The following BMPR1A variants were observed in gnomAD, a reference collection of about 807,000 sequenced individuals.
BMPR1A encodes the protein bone morphogenetic protein receptor type 1A.
Under a neutral mutation model 66.0 loss-of-function variants are expected in BMPR1A, and 7 were observed. The observed-to-expected ratio is 0.11, with a 90% CI of 0.06 to 0.20. BMPR1A has a LOEUF of 0.20. BMPR1A is among the 10% of genes least tolerant of loss of function. The probability of loss-of-function intolerance (pLI) is 1.00; values close to 1 mark genes in which losing one functional copy is unlikely to be tolerated. For synonymous variants in BMPR1A, 200 were observed against 229.7 expected, an observed-to-expected ratio of 0.87 and a Z score of 1.17; for missense variants, 408 against 669.1, an observed-to-expected ratio of 0.61 and a Z score of 4.31.
chr10:86,761,943 A>T (rs576294357), intron 1 of BMPR1A, among the ~76,000 whole-genome samples: 1 of 152,230 alleles, frequency 6.6e-6, no homozygotes, highest in Non-Finnish European at 1.5e-5. Flanking sequence ...GCAGTTGTCT[A>T]TATGGGTCTG....
chr10:86,792,769 T>G (rs1287485135), intron 1 of BMPR1A, among the ~76,000 whole-genome samples: 1 of 152,324 alleles, frequency 6.6e-6, no homozygotes, highest in African/African-American at 2.4e-5. Flanking sequence ...TGTGAAAATT[T>G]CACTTTAAAA....
chr10:86,765,345 G>A (rs930400630), intron 1 of BMPR1A, among the ~76,000 whole-genome samples: 21 of 151,784 alleles, frequency 1.4e-4, no homozygotes, highest in African/African-American at 5.1e-4. Context: ...AATTAGCCGG[G>A]TGTGGTGGCA....
At chr10:86,773,550 G>A (rs571540142) in intron 1 of BMPR1A, among the ~76,000 whole-genome samples, 52 of 142,066 alleles carry the variant, frequency 3.7e-4, no homozygotes, top group Middle Eastern at 3.9e-3. Context: ...CCGAGATCAC[G>A]CCACTGCATT....
At chr10:86,791,680 A>ACTTCCTTC (rs759218188) in intron 1 of BMPR1A, among the ~76,000 whole-genome samples, 13 of 103,810 alleles carry the variant, frequency 1.3e-4, no homozygotes, top group African/African-American at 4.6e-4. Context: ...TTCCTTCTTT[A>ACTTCCTTC]CTTCCTTCCT....
intron 2 of BMPR1A, 24 bp from the exon 3 acceptor site, chr10:86,875,843 C>G: frequency 1.6e-6 from 1 of 641,300 alleles, no homozygotes; most frequent in Non-Finnish European, 2.8e-6. Context: ...TATTCCTTAC[C>G]TTTTAAATAT....
intron 1 of BMPR1A, among the ~76,000 whole-genome samples, chr10:86,772,960 C>A (rs1050331011): frequency 6.6e-6 from 1 of 152,072 alleles, no homozygotes; most frequent in African/African-American, 2.4e-5. Context: ...TTAAAAAATT[C>A]TACAATGTTT....
Position 86,759,692 on chromosome 10 carries a change from G to A in BMPR1A, c.-268+2773G>A, listed in dbSNP as rs1355327869. 2.6e-5 allele frequency among the ~76,000 whole-genome samples: 4 copies of A among 152,276 alleles called. No individual in the cohort carries two copies. The South Asian group carries it at 6.2e-4, about 24-fold the overall frequency. On this transcript the variant is annotated intron_variant, in intron 1 of 12. Coordinates refer to ENST00000372037, the MANE Select transcript of BMPR1A (RefSeq NM_004329.3). ...GAAGGTAGTAGTCAAATCATAAAAC[G>A]AGTTGGGCAGCTTTCCTTCTTTTTC...
chr10:86,810,081 G>A (rs1841948356), intron 1 of BMPR1A, among the ~76,000 whole-genome samples: 1 of 151,776 alleles, frequency 6.6e-6, no homozygotes, highest in Admixed American at 6.6e-5. Flanking sequence ...AGCGATTCTT[G>A]TGTCTCAGCT....
chr10:86,824,258 G>T (rs1277442572), intron 1 of BMPR1A, among the ~76,000 whole-genome samples: 2 of 152,178 alleles, frequency 1.3e-5, no homozygotes, highest in Non-Finnish European at 2.9e-5. Flanking sequence ...TATGTGCATT[G>T]TGTTGGGGTA....
intron 1 of BMPR1A, among the ~76,000 whole-genome samples, chr10:86,782,307 T>G (rs1198123955): frequency 6.6e-6 from 1 of 152,190 alleles, no homozygotes; most frequent in Middle Eastern, 3.2e-3. Context: ...TATGTAAATA[T>G]CTCTTCGAGA....
At chr10:86,872,380 G>A (rs990161832) in intron 2 of BMPR1A, among the ~76,000 whole-genome samples, 1 of 152,062 alleles carries the variant, frequency 6.6e-6, no homozygotes, top group African/African-American at 2.4e-5. Context: ...TAGGATAGTT[G>A]TTAACATGTA....
intron 9 of BMPR1A, among the ~76,000 whole-genome samples, chr10:86,918,354 A>G (rs1843607715): frequency 1.3e-5 from 2 of 152,090 alleles, no homozygotes. Flanking sequence ...TTCTGGAGGG[A>G]AGAGGGTAGG....
chr10:86,760,239 TCTTTCTTTC>T (rs1841025770), intron 1 of BMPR1A, among the ~76,000 whole-genome samples: 2 of 108,436 alleles, frequency 1.8e-5, no homozygotes, highest in Admixed American at 1.0e-4. Flanking sequence ...TTTCTTTCTT[TCTTTCTTTC>T]TTTTTTTTTT....
chr10:86,788,468 C>G (rs1476463617), intron 1 of BMPR1A, among the ~76,000 whole-genome samples: 1 of 152,210 alleles, frequency 6.6e-6, no homozygotes, highest in Non-Finnish European at 1.5e-5. Flanking sequence ...AGACATTGGT[C>G]TTAGGGCTGG....
rs200091989 is a variant in BMPR1A, at chr10:86,926,063, C to CA, written c.*2350dup. On this transcript the variant is annotated 3_prime_UTR_variant, in exon 13 of 13. Coordinates refer to ENST00000372037, the MANE Select transcript of BMPR1A (RefSeq NM_004329.3). ...GAAATGTTCAAATGGTGTGTGGAAG[C>CA]AAAAAATTACAGCCAGTATATGAGA... is the stretch of plus-strand genomic sequence containing the variant. The CA allele has an allele frequency of 2.4e-4, 41 of 172,922 alleles. No individual in the cohort carries two copies. The highest frequency in any genetic ancestry group is 6.4e-4 in the African/African-American group (27 of 42,136). 10.7% of individuals were successfully genotyped at this position (172,922 alleles called of 1,614,324 possible).
At chr10:86,768,841 T>C (rs1392109467) in intron 1 of BMPR1A, among the ~76,000 whole-genome samples, 1 of 152,256 alleles carries the variant, frequency 6.6e-6, no homozygotes, top group Admixed American at 6.5e-5. Flanking sequence ...TTTTCTCATA[T>C]GTGAAACAAG....
intron 4 of BMPR1A, 85 bp downstream of exon 4, chr10:86,890,309 C>T (rs961929879): frequency 3.9e-5 from 60 of 1,541,820 alleles, no homozygotes; most frequent in Admixed American, 1.9e-4. Context: ...AACTTGTCTG[C>T]GGTTTTTTTT....
chr10:86,786,194 T>TAC (rs1841513291), intron 1 of BMPR1A, among the ~76,000 whole-genome samples: 2 of 152,186 alleles, frequency 1.3e-5, no homozygotes, highest in African/African-American at 4.8e-5. Context: ...CCCTTGCCTC[T>TAC]ACACTCTGCA....
At chr10:86,840,731 C>G (rs562489799) in intron 2 of BMPR1A, among the ~76,000 whole-genome samples, 1 of 152,258 alleles carries the variant, frequency 6.6e-6, no homozygotes, top group East Asian at 1.9e-4. Context: ...GCTATTTCTC[C>G]TTCTGTTAAT....
Sources: gnomAD v4.1 joint callset for allele counts (sites outside exome capture counted in the v4.1 genomes callset) on GRCh38, gnomAD v4.1.1 for gene constraint, MANE v1.5 for transcripts, NCBI Gene and HGNC (gene_info 2026-07-23, HGNC 2026-07-21) for gene names.